The following ITFG1 variants were observed in gnomAD, a reference collection of about 807,000 sequenced individuals.
ITFG1 encodes integrin alpha FG-GAP repeat containing 1, also known as T-cell immunomodulatory protein.
Under a neutral mutation model 81.8 loss-of-function variants are expected in ITFG1, and 34 were observed. The ratio of observed to expected loss-of-function variants is 0.42; its 90% CI spans 0.32 to 0.55. The LOEUF (loss-of-function observed/expected upper bound fraction) is 0.55. ITFG1 is among the 20% of genes least tolerant of loss of function. The pLI is 0.17. For synonymous variants in ITFG1, 285 were observed against 270.6 expected, an observed-to-expected ratio of 1.05 and a Z score of -0.52; for missense variants, 672 against 755.4, an observed-to-expected ratio of 0.89 and a Z score of 1.29.
Position 47,182,917 on chromosome 16 carries a change from G to A in ITFG1, c.1454-20253C>T, listed in dbSNP as rs78020370. ...GTGCAGGTCAGTGGGTGCGCACACC[G>A]TGCGCGAGCGGAAGCAGGGCGAGCC... On this transcript the variant is annotated intron_variant, in intron 14 of 17. Coordinates refer to ENST00000320640, the MANE Select transcript of ITFG1 (RefSeq NM_030790.5). Among the ~76,000 whole-genome samples the A allele has an allele frequency of 9.2e-5, 14 of 152,304 alleles. No homozygotes were observed. The East Asian group carries it at 1.2e-3, about 13-fold the overall frequency.
At position 47,155,517 on chromosome 16, in the gene ITFG1, C is replaced by A; in HGVS notation, c.*202G>T. On this transcript the variant is annotated 3_prime_UTR_variant, in exon 18 of 18. Transcript: ENST00000320640. ...ATGTACAGCACTACAGAATAGAGAA[C>A]CCAAATTTTTATATACAAAGTGCTT... 1 of 415,288 alleles carries A rather than the reference C, an allele frequency of 2.4e-6. No individual in the cohort carries two copies. The allele number at this position is 415,288 out of a possible 1,614,324, so 25.7% of individuals were successfully genotyped here. A position where few individuals can be genotyped will look rare whatever the true frequency, so the allele number is the denominator to read the frequency against.
chr16:47,261,033 T>C (rs1203300033), intron 10 of ITFG1, among the ~76,000 whole-genome samples: 2 of 152,346 alleles, frequency 1.3e-5, no homozygotes, highest in East Asian at 3.9e-4. Flanking sequence ...AGATGTGTAT[T>C]ACTTTTCACT....
chr16:47,281,213 G>T (rs1256419668), intron 10 of ITFG1, among the ~76,000 whole-genome samples: 2 of 152,168 alleles, frequency 1.3e-5, no homozygotes, highest in African/African-American at 4.8e-5. Flanking sequence ...ACTTACTCTG[G>T]GAATTTGGTG....
At chr16:47,302,049 T>G (rs1596874393) in intron 10 of ITFG1, among the ~76,000 whole-genome samples, 1 of 152,028 alleles carries the variant, frequency 6.6e-6, no homozygotes, top group African/African-American at 2.4e-5. Flanking sequence ...AAAAAAAATC[T>G]TTATGTTTCT....
chr16:47,246,970 G>A (rs1022478558), intron 12 of ITFG1, among the ~76,000 whole-genome samples: 2 of 152,054 alleles, frequency 1.3e-5, no homozygotes, highest in Non-Finnish European at 1.5e-5. Flanking sequence ...TTTTAGTAGT[G>A]ATGGGGTTTC....
chr16:47,198,499 AATG>A (rs1285661109), intron 14 of ITFG1, among the ~76,000 whole-genome samples: 1 of 152,212 alleles, frequency 6.6e-6, no homozygotes, highest in African/African-American at 2.4e-5. Flanking sequence ...GATAGTGATA[AATG>A]ATATTACTGA....
chr16:47,260,569 G>A lies in ITFG1; in HGVS notation c.1197C>T (p.Ala399=), dbSNP rs146250523. The part of the protein sequence containing the change: ...DLNQIKDAMV[A]TFFDIYEDGI... The stretch of plus-strand genomic sequence containing the variant: ...CATCTTCGTAAATGTCAAAGAAGGT[G>A]GCAACCATGGCATCCTTAATTTGAT... Residue 399 remains alanine, a synonymous_variant, in exon 11 of 18, where the codon GCC becomes GCT. Transcript: ENST00000320640. 24 of 1,614,024 alleles carry A rather than the reference G, an allele frequency of 1.5e-5. No homozygotes were observed. The highest frequency in any genetic ancestry group is 1.7e-6 in the Non-Finnish European group (2 of 1,180,014).
At chr16:47,456,233 A>C (rs1969451262) in intron 2 of ITFG1, among the ~76,000 whole-genome samples, 1 of 152,164 alleles carries the variant, frequency 6.6e-6, no homozygotes, top group Admixed American at 6.5e-5. Context: ...AATCTATACC[A>C]AGGCACATCA....
chr16:47,206,158 G>A (rs980249244), intron 14 of ITFG1, among the ~76,000 whole-genome samples: 15 of 152,032 alleles, frequency 9.9e-5, no homozygotes, highest in Non-Finnish European at 2.1e-4. Context: ...GATCCACCAC[G>A]CCTGGCCAGG....
chr16:47,168,757 T>TA (rs911536939), intron 14 of ITFG1, among the ~76,000 whole-genome samples: 1 of 152,140 alleles, frequency 6.6e-6, no homozygotes, highest in African/African-American at 2.4e-5. Context: ...ATTTTGTTAC[T>TA]AGTGCTTTTG....
At chr16:47,313,513 G>A (rs950689824) in intron 9 of ITFG1, among the ~76,000 whole-genome samples, 4 of 152,028 alleles carry the variant, frequency 2.6e-5, no homozygotes, top group Non-Finnish European at 5.9e-5. Flanking sequence ...TCCAGAATGG[G>A]TTTTCTTCAC....
intron 6 of ITFG1, among the ~76,000 whole-genome samples, chr16:47,425,295 T>C (rs1466642595): frequency 6.6e-6 from 1 of 152,136 alleles, no homozygotes; most frequent in African/African-American, 2.4e-5. Context: ...GCTAAGACCG[T>C]GGGAAAAGCA....
chr16:47,425,264 G>T (rs910011388), intron 6 of ITFG1, among the ~76,000 whole-genome samples: 1 of 152,186 alleles, frequency 6.6e-6, no homozygotes, highest in African/African-American at 2.4e-5. Context: ...GCACGGGAAG[G>T]TATCTTCTGG....
At chr16:47,357,237 A>G (rs559673146) in intron 8 of ITFG1, among the ~76,000 whole-genome samples, 1 of 152,318 alleles carries the variant, frequency 6.6e-6, no homozygotes, top group South Asian at 2.1e-4. Flanking sequence ...GTAAAATACA[A>G]CATTATCCCA....
At chr16:47,457,518 A>C (rs1969469374) in intron 2 of ITFG1, among the ~76,000 whole-genome samples, 1 of 152,146 alleles carries the variant, frequency 6.6e-6, no homozygotes, top group Non-Finnish European at 1.5e-5. Flanking sequence ...AAATTAGTGT[A>C]AAATTTTATT....
chr16:47,254,103 A>G (rs1448253479), intron 12 of ITFG1, among the ~76,000 whole-genome samples: 3 of 152,052 alleles, frequency 2.0e-5, no homozygotes, highest in Non-Finnish European at 4.4e-5. Flanking sequence ...GTGTTGCATT[A>G]TGAGGAGGTG....
intron 5 of ITFG1, among the ~76,000 whole-genome samples, chr16:47,444,672 A>T (rs1969300047): frequency 6.6e-6 from 1 of 152,200 alleles, no homozygotes; most frequent in African/African-American, 2.4e-5. Context: ...ATTTTATAAA[A>T]TATGCTACAT....
chr16:47,350,850 A>G (rs1596919898), intron 8 of ITFG1, among the ~76,000 whole-genome samples: 1 of 152,318 alleles, frequency 6.6e-6, no homozygotes, highest in East Asian at 1.9e-4. Flanking sequence ...GCAGTACATC[A>G]AAAAGCTTAT....
intron 10 of ITFG1, among the ~76,000 whole-genome samples, chr16:47,294,963 T>C (rs1310401497): frequency 6.6e-6 from 1 of 152,116 alleles, no homozygotes; most frequent in Non-Finnish European, 1.5e-5. Flanking sequence ...GAGCTTTCAA[T>C]GTTTCCACAT....
Sources: allele counts gnomAD v4.1 joint callset (sites outside exome capture counted in the v4.1 genomes callset), GRCh38; gene constraint gnomAD v4.1.1; transcripts MANE v1.5; gene names NCBI Gene and HGNC (gene_info 2026-07-23, HGNC 2026-07-21).